Variants in LCOR observed in about 807,000 individuals in gnomAD.
The protein encoded by LCOR is ligand dependent nuclear receptor corepressor, also known as ligand-dependent corepressor.
In LCOR, 14 loss-of-function variants were observed where a neutral mutation model predicts 64.4. The ratio of observed to expected loss-of-function variants is 0.22; its 90% CI spans 0.14 to 0.34. The LOEUF (loss-of-function observed/expected upper bound fraction) is 0.34, where lower values mean the gene tolerates loss of function less well. Ranked by LOEUF, LCOR falls within the 10% of genes least tolerant of loss-of-function variation. The pLI is 1.00. For synonymous variants in LCOR, 643 were observed against 642.5 expected (o/e 1.00, Z -0.01); for missense variants, 1,686 against 1,765.3 (o/e 0.96, Z 0.80).
At chr10:96,876,867 GT>G (rs1846174570) in intron 2 of LCOR, among the ~76,000 whole-genome samples, 1 of 152,084 alleles carries the variant, frequency 6.6e-6, no homozygotes, top group South Asian at 2.1e-4. Flanking sequence ...CTAATTTCTT[GT>G]ATTTTTAGTA....
At chr10:96,980,686 AAAAT>A in intron 7 of LCOR, 103 bp from the exon 8 acceptor site, 1 of 592,792 alleles carries the variant, frequency 1.7e-6, no homozygotes, top group Non-Finnish European at 3.0e-6. Context: ...GTATCTACAA[AAAAT>A]AAATAAATAA....
intron 4 of LCOR, among the ~76,000 whole-genome samples, chr10:96,931,230 ATTTTTTT>A (rs796643815): frequency 7.5e-6 from 1 of 132,728 alleles, no homozygotes; most frequent in Non-Finnish European, 1.6e-5. Flanking sequence ...AAGCACTGGT[ATTTTTTT>A]TTTTTTTTTT....
chr10:96,939,479 A>G (rs929561732), intron 4 of LCOR, among the ~76,000 whole-genome samples: 1 of 152,224 alleles, frequency 6.6e-6, no homozygotes, highest in African/African-American at 2.4e-5. Flanking sequence ...CCAAAAATAT[A>G]TAGATTGGAA....
intron 4 of LCOR, among the ~76,000 whole-genome samples, chr10:96,942,197 C>A (rs1437863081): frequency 1.3e-4 from 20 of 149,872 alleles, no homozygotes; most frequent in African/African-American, 4.9e-4. Flanking sequence ...CCCGGCACCT[C>A]GGGAGGCCGA....
chr10:96,888,874 T>C (rs1016814495), intron 2 of LCOR, among the ~76,000 whole-genome samples: 3 of 152,248 alleles, frequency 2.0e-5, no homozygotes, highest in African/African-American at 7.2e-5. Flanking sequence ...GCTATAGTTA[T>C]GTTTTTTAGA....
At chr10:96,974,923 C>T (rs1848025787) in intron 7 of LCOR, among the ~76,000 whole-genome samples, 1 of 152,194 alleles carries the variant, frequency 6.6e-6, no homozygotes, top group Non-Finnish European at 1.5e-5. Flanking sequence ...AATCCCAGCA[C>T]TTTGGGAAGC....
intron 4 of LCOR, among the ~76,000 whole-genome samples, chr10:96,941,259 C>T (rs1387581787): frequency 4.7e-4 from 67 of 141,980 alleles, no homozygotes; most frequent in African/African-American, 1.5e-3. Context: ...ACCTCCCTCC[C>T]GGACGGGGCG....
chr10:96,896,344 AT>A (rs1283654480), intron 2 of LCOR, among the ~76,000 whole-genome samples: 13 of 152,182 alleles, frequency 8.5e-5, no homozygotes, highest in African/African-American at 2.9e-4. Context: ...ATGGGGGAAA[AT>A]ATGAGAAATT....
Position 96,846,248 on chromosome 10 carries a change from G to GT in LCOR, c.-330+12780dup, listed in dbSNP as rs199691897. 6.0e-3 allele frequency among the ~76,000 whole-genome samples: 885 copies of GT among 147,644 alleles called. 3 individuals are homozygous for GT. The highest frequency in any genetic ancestry group is 0.015 in the African/African-American group (615 of 40,564). On this transcript the variant is annotated intron_variant, in intron 2 of 7. Coordinates refer to ENST00000421806, the MANE Select transcript of LCOR (RefSeq NM_001346516.2). ...TGGAATTTTGTTGTACTGGCTTTAA[G>GT]TTTTTTTTTTTCTTTTTTTAAATTA...
At chr10:96,940,095 ACTT>A (rs1216504707) in intron 4 of LCOR, among the ~76,000 whole-genome samples, 7 of 152,280 alleles carry the variant, frequency 4.6e-5, no homozygotes, top group South Asian at 2.1e-4. Flanking sequence ...AGATAATACC[ACTT>A]CTTATCTACT....
rs75243111 is a variant in LCOR, at chr10:96,850,111, C to A, written c.-330+16632C>A. Among the ~76,000 whole-genome samples the A allele has an allele frequency of 2.0e-5, 3 of 152,120 alleles. No homozygotes were observed. The East Asian group carries it at 5.8e-4, about 29-fold the overall frequency. Reference sequence around the variant, plus strand: ...TACAGTAGGATAAATTATTAAAGTTCTAGGTTGAAAGTGATGGGCAGAAGT... The same window carrying A: ...TACAGTAGGATAAATTATTAAAGTTATAGGTTGAAAGTGATGGGCAGAAGT... On this transcript the variant is annotated intron_variant, in intron 2 of 7. Transcript: ENST00000421806.
intron 2 of LCOR, among the ~76,000 whole-genome samples, chr10:96,891,341 T>C (rs890300286): frequency 4.6e-5 from 7 of 151,944 alleles, no homozygotes; most frequent in East Asian, 1.9e-4. Context: ...TATAAGATTG[T>C]AAAGATGTCC....
chr10:96,947,425 G>C (rs1372171180), intron 5 of LCOR, among the ~76,000 whole-genome samples: 2 of 152,082 alleles, frequency 1.3e-5, no homozygotes, highest in Admixed American at 1.3e-4. Context: ...GTATTTGTTT[G>C]TTGTTTATTA....
intron 7 of LCOR, chr10:96,958,369 G>A: frequency 1.3e-6 from 2 of 1,532,232 alleles, no homozygotes; most frequent in South Asian, 1.2e-5. Context: ...TGTACATGGA[G>A]TGATCATTTT....
At chr10:96,928,955 C>T (rs987739442) in intron 4 of LCOR, among the ~76,000 whole-genome samples, 3 of 152,048 alleles carry the variant, frequency 2.0e-5, no homozygotes, top group African/African-American at 7.2e-5. Context: ...TTATTTTTTT[C>T]TTTCTGAGCA....
intron 2 of LCOR, among the ~76,000 whole-genome samples, chr10:96,839,107 T>C (rs1191442830): frequency 6.6e-6 from 1 of 152,232 alleles, no homozygotes; most frequent in Non-Finnish European, 1.5e-5. Flanking sequence ...TTGATTTGCA[T>C]TTTCCTAACA....
chr10:96,859,494 G>C, intron 2 of LCOR, among the ~76,000 whole-genome samples: 1 of 152,074 alleles, frequency 6.6e-6, no homozygotes, highest in East Asian at 1.9e-4. Flanking sequence ...TTATAGGTGC[G>C]AGCCACCGCG....
At chr10:96,970,490 T>A (rs1847989163) in intron 7 of LCOR, among the ~76,000 whole-genome samples, 1 of 151,844 alleles carries the variant, frequency 6.6e-6, no homozygotes, top group African/African-American at 2.4e-5. Context: ...TAGAGATGGA[T>A]TAAGAAAAAA....
At chr10:96,923,521 A>G (rs545757103) in intron 4 of LCOR, among the ~76,000 whole-genome samples, 1 of 152,308 alleles carries the variant, frequency 6.6e-6, no homozygotes, top group South Asian at 2.1e-4. Flanking sequence ...TCAAATAGAA[A>G]ATAAGTAACA....
Sources: allele counts gnomAD v4.1 joint callset (sites outside exome capture counted in the v4.1 genomes callset), GRCh38; gene constraint gnomAD v4.1.1; transcripts MANE v1.5; gene names NCBI Gene and HGNC (gene_info 2026-07-23, HGNC 2026-07-21).